ERBB4: variants seen among roughly 807,000 people sequenced by gnomAD.
The protein encoded by ERBB4 is receptor tyrosine-protein kinase erbB-4.
A neutral mutation model predicts 158.0 loss-of-function variants in ERBB4; 42 were observed. The observed-to-expected ratio is 0.27, with a 90% CI of 0.21 to 0.34. The LOEUF is 0.34. Among genes scored for constraint, ERBB4 ranks in the 10% least tolerant of loss-of-function variants. ERBB4 has a pLI of 1.00. For missense variants in ERBB4, 1,333 were observed against 1,624.1 expected (o/e 0.82, Z 3.08); for synonymous variants, 583 against 558.7 (o/e 1.04, Z -0.61).
At chr2:211,836,895 A>T (rs902317834) in intron 3 of ERBB4, among the ~76,000 whole-genome samples, 1 of 152,070 alleles carries the variant, frequency 6.6e-6, no homozygotes, top group African/African-American at 2.4e-5. Context: ...TGTGTAACAT[A>T]CAAAGGCACA....
Position 212,163,127 on chromosome 2 carries a change from G to GT in ERBB4, c.83-38225dup, listed in dbSNP as rs538132602. Among the ~76,000 whole-genome samples, 12 of 151,978 alleles carry GT rather than the reference G, an allele frequency of 7.9e-5. No homozygotes were observed. In the South Asian group the frequency reaches 2.5e-3, roughly 31 times the overall value. On this transcript the variant is annotated intron_variant, in intron 1 of 27. Coordinates refer to ENST00000342788, the MANE Select transcript of ERBB4 (RefSeq NM_005235.3). ...AAAATCCTAACCAATTTTATGGCAT[G>GT]TTTTTTGCTTTGTACCTTCCTGTCC...
At chr2:212,425,993 G>C (rs755138285) in intron 1 of ERBB4, among the ~76,000 whole-genome samples, 1 of 151,864 alleles carries the variant, frequency 6.6e-6, no homozygotes, top group Non-Finnish European at 1.5e-5. Context: ...CTGAATCAAT[G>C]TTCACGTATT....
chr2:211,767,233 A>C (rs573365202), intron 4 of ERBB4, among the ~76,000 whole-genome samples: 43 of 152,316 alleles, frequency 2.8e-4, no homozygotes, highest in African/African-American at 9.1e-4. Flanking sequence ...CTCCACTGGT[A>C]ACAGAACACT....
chr2:212,444,648 C>T (rs1333123540), intron 1 of ERBB4, among the ~76,000 whole-genome samples: 3 of 152,170 alleles, frequency 2.0e-5, no homozygotes, highest in African/African-American at 7.2e-5. Context: ...TCCGTCATTG[C>T]CCAATAGGCC....
intron 20 of ERBB4, among the ~76,000 whole-genome samples, chr2:211,531,284 G>A (rs1381128614): frequency 6.6e-6 from 1 of 152,086 alleles, no homozygotes; most frequent in Admixed American, 6.5e-5. Flanking sequence ...TACTCTGCAA[G>A]CACAGGTAAC....
intron 27 of ERBB4, 41 bp downstream of exon 27, chr2:211,386,812 G>A (rs148287339): frequency 1.9e-6 from 3 of 1,599,648 alleles, no homozygotes; most frequent in South Asian, 1.1e-5. Context: ...TGATGGAAGT[G>A]AACTTCGAAT....
At chr2:212,281,021 T>G (rs2085737536) in intron 1 of ERBB4, among the ~76,000 whole-genome samples, 1 of 151,742 alleles carries the variant, frequency 6.6e-6, no homozygotes, top group Non-Finnish European at 1.5e-5. Flanking sequence ...AGAAAATTTT[T>G]TTTGTAAAGT....
At chr2:211,719,493 A>C (rs1415624129) in intron 7 of ERBB4, among the ~76,000 whole-genome samples, 1 of 152,164 alleles carries the variant, frequency 6.6e-6, no homozygotes, top group East Asian at 1.9e-4. Context: ...AGCATCCTTC[A>C]TGCTAAGCTT....
At chr2:211,943,703 G>T (rs1244362316) in intron 3 of ERBB4, among the ~76,000 whole-genome samples, 1 of 152,060 alleles carries the variant, frequency 6.6e-6, no homozygotes, top group South Asian at 2.1e-4. Context: ...AATGAGAAAT[G>T]TGAGAAGCAG....
chr2:212,383,925 G>A (rs2090591449), intron 1 of ERBB4, among the ~76,000 whole-genome samples: 1 of 151,356 alleles, frequency 6.6e-6, no homozygotes, highest in Non-Finnish European at 1.5e-5. Context: ...TGAACACAGT[G>A]CATTACCCAT....
rs1461045385 is a variant in ERBB4, at chr2:212,373,789, GTATATATATCCA to G, written c.82+164648_82+164659del. 2.5e-5 allele frequency among the ~76,000 whole-genome samples: 2 copies of G among 78,994 alleles called. 1 individual carries two copies. Among genetic ancestry groups the G allele is most frequent in the Non-Finnish European group, 5.5e-5 (2 of 36,336 alleles). The allele number at this position is 78,994 out of a possible 152,430, so 51.8% of individuals were successfully genotyped here. ...CGTATATATCCATGTATATATCCAC[GTATATATATCCA>G]TATATATATCCATGTATATATCCAT... is the stretch of plus-strand genomic sequence containing the variant. On this transcript the variant is annotated intron_variant, in intron 1 of 27. Coordinates refer to ENST00000342788, the MANE Select transcript of ERBB4 (RefSeq NM_005235.3).
At chr2:211,924,986 G>A (rs2079977020) in intron 3 of ERBB4, among the ~76,000 whole-genome samples, 1 of 152,160 alleles carries the variant, frequency 6.6e-6, no homozygotes. Flanking sequence ...CTGAGCTCCA[G>A]AGGGTGGTTA....
At chr2:212,056,202 A>G (rs2077562455) in intron 2 of ERBB4, among the ~76,000 whole-genome samples, 1 of 152,224 alleles carries the variant, frequency 6.6e-6, no homozygotes, top group South Asian at 2.1e-4. Context: ...AATTAATGAA[A>G]TGAAGTGAGA....
Position 212,223,665 on chromosome 2 carries a change from G to C in ERBB4, c.83-98762C>G, listed in dbSNP as rs866986297. 1.1e-4 allele frequency among the ~76,000 whole-genome samples: 17 copies of C among 151,480 alleles called. No homozygotes were observed. In the South Asian group the frequency reaches 3.1e-3, roughly 28 times the overall value. On this transcript the variant is annotated intron_variant, in intron 1 of 27. Transcript: ENST00000342788. Reference sequence around the variant, plus strand: ...CCATAGTTACCTCAAATCTATCTTTGTGTTGCATTCTTTCTAGCTTTCCCC... The same window carrying C: ...CCATAGTTACCTCAAATCTATCTTTCTGTTGCATTCTTTCTAGCTTTCCCC...
Position 211,387,965 on chromosome 2 carries a change from CAGG to C in ERBB4, c.3160_3162del (p.Pro1054del). 6.2e-7 allele frequency: 1 copy of C among 1,609,008 alleles called. No individual in the cohort carries two copies. The highest frequency in any genetic ancestry group is 8.5e-7 in the Non-Finnish European group (1 of 1,175,852). On this transcript the variant is annotated inframe_deletion, in exon 26 of 28. Coordinates refer to ENST00000342788, the MANE Select transcript of ERBB4 (RefSeq NM_005235.3). Reference sequence around the variant, plus strand: ...CTTACTCCTGACATGGGGGTGTAGGCAGGAGGAGGGCTGTGTCCAATTTCACTC... The same window carrying C: ...CTTACTCCTGACATGGGGGTGTAGGCAGGAGGGCTGTGTCCAATTTCACTC...
chr2:212,326,781 A>C (rs2087860095), intron 1 of ERBB4, among the ~76,000 whole-genome samples: 1 of 150,814 alleles, frequency 6.6e-6, no homozygotes, highest in African/African-American at 2.4e-5. Flanking sequence ...TACCATATTT[A>C]AGATTGGTAT....
chr2:212,153,209 A>G (rs1484079550), intron 1 of ERBB4, among the ~76,000 whole-genome samples: 1 of 152,230 alleles, frequency 6.6e-6, no homozygotes, highest in East Asian at 1.9e-4. Flanking sequence ...ATTTCAAAAA[A>G]TAAATCTTGG....
At chr2:211,695,784 C>T (rs191390785) in intron 12 of ERBB4, among the ~76,000 whole-genome samples, 41 of 152,062 alleles carry the variant, frequency 2.7e-4, no homozygotes, top group African/African-American at 9.4e-4. Flanking sequence ...TTTTATCCCC[C>T]AAAAGGCATT....
chr2:212,277,232 A>G (rs2085574001), intron 1 of ERBB4, among the ~76,000 whole-genome samples: 2 of 151,820 alleles, frequency 1.3e-5, no homozygotes, highest in African/African-American at 4.8e-5. Context: ...AGCACTATCA[A>G]TCTTAAACAT....
Sources: allele counts gnomAD v4.1 joint callset (sites outside exome capture counted in the v4.1 genomes callset), GRCh38; gene constraint gnomAD v4.1.1; transcripts MANE v1.5; gene names NCBI Gene and HGNC (gene_info 2026-07-23, HGNC 2026-07-21).